AMMECR1: variants seen among roughly 807,000 people sequenced by gnomAD.
AMMECR1 encodes nuclear protein AMMECR1.
A neutral mutation model predicts 22.5 loss-of-function variants in AMMECR1; 3 were observed. The ratio of observed to expected loss-of-function variants is 0.13; its 90% CI spans 0.06 to 0.35. AMMECR1 has a LOEUF of 0.35. AMMECR1 is among the 10% of genes least tolerant of loss of function. AMMECR1 has a pLI of 1.00. For missense variants in AMMECR1, 235 were observed against 278.7 expected, an observed-to-expected ratio of 0.84 and a Z score of 1.12; for synonymous variants, 130 against 116.7, an observed-to-expected ratio of 1.11 and a Z score of -0.74.
intron 1 of AMMECR1, among the ~76,000 whole-genome samples, chrX:110,296,637 G>A (rs183399026): frequency 4.1e-4 from 45 of 111,027 alleles, no homozygotes; most frequent in East Asian, 1.7e-3. Flanking sequence ...GCTCAAATCC[G>A]TTGATGAACC....
chrX:110,410,743 T>C (rs965763863), intron 2 of AMMECR1, among the ~76,000 whole-genome samples: 2 of 111,289 alleles, frequency 1.8e-5, no homozygotes, highest in Admixed American at 9.5e-5. Flanking sequence ...TTGGTGGTGA[T>C]GTAGTCACCT....
At position 110,366,275 on chromosome X, in the gene AMMECR1, A is replaced by G. The variant is rs747924577; in HGVS notation, c.-147-48426T>C. The stretch of plus-strand genomic sequence containing the variant: ...AAGAGCTCCATGAACAAGCAATGTT[A>G]CAAACCACTGGATTAGTCAAATGTG... On this transcript the variant is annotated intron_variant, in intron 2 of 7. Transcript: ENST00000372057. 7.1e-5 allele frequency among the ~76,000 whole-genome samples: 8 copies of G among 112,180 alleles called. No homozygotes were observed. The East Asian group carries it at 1.1e-3, about 16-fold the overall frequency.
chrX:110,300,342 T>A (rs887549946), intron 1 of AMMECR1, among the ~76,000 whole-genome samples: 2 of 112,458 alleles, frequency 1.8e-5, no homozygotes, highest in Non-Finnish European at 3.8e-5. Flanking sequence ...TGGAGAAATG[T>A]CAATTCAGGT....
At chrX:110,426,167 C>G (rs138442977) in intron 2 of AMMECR1, among the ~76,000 whole-genome samples, 4 of 112,097 alleles carry the variant, frequency 3.6e-5, no homozygotes, top group Non-Finnish European at 7.5e-5. Flanking sequence ...GGTTTTGCAC[C>G]GGTGAGCAAA....
At chrX:110,258,419 G>A (rs758187181) in intron 2 of AMMECR1, among the ~76,000 whole-genome samples, 3 of 111,391 alleles carry the variant, frequency 2.7e-5, no homozygotes, top group Non-Finnish European at 5.7e-5. Context: ...TGCTTCATGT[G>A]GATAATTTTG....
intron 3 of AMMECR1, among the ~76,000 whole-genome samples, chrX:110,213,368 G>A (rs1169202089): frequency 8.9e-6 from 1 of 112,313 alleles, no homozygotes; most frequent in Non-Finnish European, 1.9e-5. Context: ...ACGGAATGTG[G>A]CTTTCTGTGT....
intron 2 of AMMECR1, among the ~76,000 whole-genome samples, chrX:110,359,631 A>C (rs917323598): frequency 2.7e-5 from 3 of 111,745 alleles, no homozygotes; most frequent in Non-Finnish European, 3.8e-5. Flanking sequence ...CTATTCATTA[A>C]TTAATTTATT....
intron 2 of AMMECR1, among the ~76,000 whole-genome samples, chrX:110,390,563 C>T (rs915269066): frequency 2.7e-5 from 3 of 111,083 alleles, no homozygotes; most frequent in African/African-American, 6.6e-5. Flanking sequence ...TATCAGGGGA[C>T]TCTCCACTAC....
In AMMECR1 at chrX:110,204,346, T is replaced by G. The variant is rs182915803; in HGVS notation, c.700-1810A>C. 2.7e-3 allele frequency among the ~76,000 whole-genome samples: 304 copies of G among 111,645 alleles called. 5 individuals carry two copies. Among genetic ancestry groups the G allele is most frequent in the Admixed American group, 0.027 (282 of 10,472 alleles). On this transcript the variant is annotated intron_variant, in intron 3 of 5. Transcript: ENST00000262844. Reference sequence around the variant, plus strand: ...ATGTTAAAATTGAAAAGAATTTTGGTGTTTATTAAGGTGTCTAGTCAAAAT... The same window carrying G: ...ATGTTAAAATTGAAAAGAATTTTGGGGTTTATTAAGGTGTCTAGTCAAAAT...
chrX:110,343,279 AC>A (rs1044359749), intron 2 of AMMECR1, among the ~76,000 whole-genome samples: 2 of 112,141 alleles, frequency 1.8e-5, no homozygotes, highest in African/African-American at 6.5e-5. Flanking sequence ...AAGGCCTTCG[AC>A]AAAATTCAAC....
intron 3 of AMMECR1, among the ~76,000 whole-genome samples, chrX:110,216,031 T>C (rs893548108): frequency 8.9e-6 from 1 of 112,332 alleles, no homozygotes; most frequent in Non-Finnish European, 1.9e-5. Flanking sequence ...TAAACTAAGG[T>C]AGCCAAGAAT....
At chrX:110,365,101 A>G (rs1234455886) in intron 2 of AMMECR1, among the ~76,000 whole-genome samples, 2 of 111,833 alleles carry the variant, frequency 1.8e-5, no homozygotes, top group Admixed American at 9.5e-5. Context: ...AATTATGAAT[A>G]GAATATTCCC....
At chrX:110,355,778 C>T (rs1461778458) in intron 2 of AMMECR1, among the ~76,000 whole-genome samples, 7 of 111,914 alleles carry the variant, frequency 6.3e-5, no homozygotes, top group Non-Finnish European at 9.4e-5. Flanking sequence ...GATATCTGCA[C>T]GCCCATGTTC....
At chrX:110,303,578 A>C (rs2067979513) in intron 1 of AMMECR1, among the ~76,000 whole-genome samples, 1 of 112,182 alleles carries the variant, frequency 8.9e-6, no homozygotes, top group African/African-American at 3.2e-5. Context: ...ATGTGGCAGG[A>C]GTCTATGATT....
At chrX:110,355,779 G>A (rs1199233802) in intron 2 of AMMECR1, among the ~76,000 whole-genome samples, 3 of 111,935 alleles carry the variant, frequency 2.7e-5, no homozygotes, top group South Asian at 7.5e-4. Flanking sequence ...ATATCTGCAC[G>A]CCCATGTTCA....
intron 2 of AMMECR1, among the ~76,000 whole-genome samples, chrX:110,394,356 A>G (rs186585147): frequency 9.0e-6 from 1 of 110,993 alleles, no homozygotes; most frequent in Admixed American, 9.5e-5. Context: ...GATTCAGGTG[A>G]TCCTCCCACC....
At chrX:110,281,657 A>G (rs2067853137) in intron 1 of AMMECR1, among the ~76,000 whole-genome samples, 1 of 112,201 alleles carries the variant, frequency 8.9e-6, no homozygotes, top group Admixed American at 9.5e-5. Flanking sequence ...ATAATGGAAA[A>G]GAAGGTAGAA....
chrX:110,283,474 T>C (rs993830533), intron 1 of AMMECR1, among the ~76,000 whole-genome samples: 3 of 112,191 alleles, frequency 2.7e-5, no homozygotes, highest in Admixed American at 1.9e-4. Context: ...AATAACAAAT[T>C]TATTTCTCAT....
chrX:110,419,026 T>C (rs2068698797), intron 2 of AMMECR1: 1 of 111,170 alleles, frequency 9.0e-6, no homozygotes, highest in African/African-American at 3.3e-5. Flanking sequence ...TGATTCCTAG[T>C]TGTGGTGGGA....
Sources: allele counts gnomAD v4.1 joint callset (sites outside exome capture counted in the v4.1 genomes callset), GRCh38; gene constraint gnomAD v4.1.1; transcripts MANE v1.5; gene names NCBI Gene and HGNC (gene_info 2026-07-23, HGNC 2026-07-21).